TNFRSF10B: variants seen among roughly 807,000 people sequenced by gnomAD.
The protein encoded by TNFRSF10B is tumor necrosis factor receptor superfamily member 10B.
A neutral mutation model predicts 41.4 loss-of-function variants in TNFRSF10B; 35 were observed. That is an observed-to-expected ratio of 0.85 (90% confidence interval 0.65 to 1.12). The LOEUF is 1.12. Ranked by LOEUF, TNFRSF10B falls within the 50% of genes most tolerant of loss-of-function variation. TNFRSF10B has a pLI of 0.00. For missense variants in TNFRSF10B, 584 were observed against 552.7 expected (o/e 1.06, Z -0.57); for synonymous variants, 230 against 215.5 (o/e 1.07, Z -0.59).
intron 2 of TNFRSF10B, among the ~76,000 whole-genome samples, chr8:23,039,540 A>C (rs535749704): frequency 6.6e-6 from 1 of 152,146 alleles, no homozygotes; most frequent in African/African-American, 2.4e-5. Context: ...GCTTGACTCA[A>C]AGCCCACTGA....
rs1811492079 is a variant in TNFRSF10B at position 23,020,734 on chromosome 8, GCTGACACT to G, written c.*1929_*1936del. The stretch of plus-strand genomic sequence containing the variant: ...AAGAAAAATCTTAAACACTGATAAG[GCTGACACT>G]CTAGATGCATCTTCTAGGAAGGCCT... On this transcript the variant is annotated 3_prime_UTR_variant, in exon 9 of 9. Coordinates refer to ENST00000276431, the MANE Select transcript of TNFRSF10B (RefSeq NM_003842.5). 2.2e-6 allele frequency: 1 copy of G among 454,002 alleles called. No individual in the cohort carries two copies. Among genetic ancestry groups the G allele is most frequent in the Non-Finnish European group, 4.4e-6 (1 of 226,768 alleles). 28.1% of individuals were successfully genotyped at this position (454,002 alleles called of 1,614,324 possible). A position where few individuals can be genotyped will look rare whatever the true frequency, so the allele number is the denominator to read the frequency against.
chr8:23,067,198 G>A (rs943703764), intron 1 of TNFRSF10B, among the ~76,000 whole-genome samples: 16 of 151,872 alleles, frequency 1.1e-4, no homozygotes, highest in Admixed American at 9.8e-4. Context: ...GGCTGGTCTC[G>A]AATCCCTGAC....
At chr8:23,035,897 A>T (rs551300235) in intron 2 of TNFRSF10B, among the ~76,000 whole-genome samples, 4 of 152,310 alleles carry the variant, frequency 2.6e-5, no homozygotes, top group African/African-American at 7.2e-5. Flanking sequence ...AGAACAAGAA[A>T]AGGCTCTGCA....
At chr8:23,027,560 A>T in intron 6 of TNFRSF10B, 162 bp downstream of exon 6, 1 of 967,722 alleles carries the variant, frequency 1.0e-6, no homozygotes, top group Non-Finnish European at 1.6e-6. Context: ...TGTGGTGCTC[A>T]AAATGGCCAT....
rs1563301794 is a variant in TNFRSF10B, at chr8:23,020,837, A to C, written c.*1834T>G. On this transcript the variant is annotated 3_prime_UTR_variant, in exon 9 of 9. Transcript: ENST00000276431. Reference sequence around the variant, plus strand: ...AGCCCTGAGGCTGAGCGTCCTGCACAGAAGGCCCAGCAAAGGCAAAGACCA... The same window carrying C: ...AGCCCTGAGGCTGAGCGTCCTGCACCGAAGGCCCAGCAAAGGCAAAGACCA... 2.2e-6 allele frequency: 1 copy of C among 454,142 alleles called. No homozygotes were observed. Among genetic ancestry groups the C allele is most frequent in the East Asian group, 6.9e-5 (1 of 14,402 alleles). The allele number at this position is 454,142 out of a possible 1,614,324, so 28.1% of individuals were successfully genotyped here.
At chr8:23,033,351 G>A (rs1444525163) in intron 2 of TNFRSF10B, among the ~76,000 whole-genome samples, 4 of 152,060 alleles carry the variant, frequency 2.6e-5, no homozygotes, top group Non-Finnish European at 4.4e-5. Flanking sequence ...CTGGGAGGCC[G>A]AGGCGGGCGG....
At chr8:23,028,668 G>T in intron 4 of TNFRSF10B, 66 bp from the exon 5 acceptor site, 1 of 1,592,248 alleles carries the variant, frequency 6.3e-7, no homozygotes, top group South Asian at 1.1e-5. Flanking sequence ...GGATGAAAGA[G>T]GAGCCACCCT....
At chr8:23,060,881 G>T (rs1812812372) in intron 1 of TNFRSF10B, among the ~76,000 whole-genome samples, 1 of 151,778 alleles carries the variant, frequency 6.6e-6, no homozygotes, top group Admixed American at 6.6e-5. Flanking sequence ...TATTATTTTT[G>T]ATACTATTGT....
chr8:23,058,739 C>A (rs750826072), intron 1 of TNFRSF10B, among the ~76,000 whole-genome samples: 3 of 152,072 alleles, frequency 2.0e-5, no homozygotes, highest in Non-Finnish European at 2.9e-5. Context: ...CTCGCTTCAC[C>A]CTCCCAAAGT....
chr8:23,044,069 TG>T (rs1812284713), intron 1 of TNFRSF10B, among the ~76,000 whole-genome samples: 1 of 152,234 alleles, frequency 6.6e-6, no homozygotes, highest in Admixed American at 6.5e-5. Flanking sequence ...ACCATTTAAT[TG>T]AGAGGACAAT....
In TNFRSF10B at chr8:23,022,560, G is replaced by A. The variant is rs1811565162; in HGVS notation, c.*111C>T. On this transcript the variant is annotated 3_prime_UTR_variant, in exon 9 of 9. Transcript: ENST00000276431. Reference sequence around the variant, plus strand: ...ATGTTGGATGGGAGAGTTTCTTCCAGTACCGGTCATGTGACAATTGTGGCA... The same window carrying A: ...ATGTTGGATGGGAGAGTTTCTTCCAATACCGGTCATGTGACAATTGTGGCA... 1 of 1,174,130 alleles carries A rather than the reference G, an allele frequency of 8.5e-7. No individual in the cohort carries two copies. The highest frequency in any genetic ancestry group is 1.9e-5 in the Admixed American group (1 of 51,792). The allele number at this position is 1,174,130 out of a possible 1,614,324, so 72.7% of individuals were successfully genotyped here.
chr8:23,052,475 A>T (rs1563320764), intron 1 of TNFRSF10B, among the ~76,000 whole-genome samples: 1 of 151,530 alleles, frequency 6.6e-6, no homozygotes. Flanking sequence ...TTTAGTAGAG[A>T]CGGGGTTTCA....
chr8:23,035,631 A>G (rs1188358999), intron 2 of TNFRSF10B, among the ~76,000 whole-genome samples: 1 of 152,222 alleles, frequency 6.6e-6, no homozygotes, highest in Non-Finnish European at 1.5e-5. Flanking sequence ...TTACCTCAGT[A>G]GAAGGACAAC....
chr8:23,026,218 G>A (rs1202675230), intron 7 of TNFRSF10B, among the ~76,000 whole-genome samples: 1 of 152,166 alleles, frequency 6.6e-6, no homozygotes, highest in Non-Finnish European at 1.5e-5. Flanking sequence ...CTAGGTGGAA[G>A]AGATCTCTGC....
chr8:23,042,445 A>T (rs2128815645), intron 2 of TNFRSF10B, among the ~76,000 whole-genome samples: 1 of 152,312 alleles, frequency 6.6e-6, no homozygotes, highest in Admixed American at 6.5e-5. Context: ...CGAACACAAC[A>T]GTCAAGCACA....
chr8:23,056,216 C>CACAT (rs112194996), intron 1 of TNFRSF10B, among the ~76,000 whole-genome samples: 3 of 151,856 alleles, frequency 2.0e-5, no homozygotes, highest in Admixed American at 6.6e-5. Context: ...CACTGAAGCA[C>CACAT]ATACTGTCCT....
Position 23,028,313 on chromosome 8 carries a change from C to G in TNFRSF10B, c.748+18G>C, listed in dbSNP as rs1160469878. The G allele has an allele frequency of 2.5e-6, 4 of 1,613,790 alleles. No individual in the cohort carries two copies. Among genetic ancestry groups the G allele is most frequent in the Admixed American group, 1.7e-5 (1 of 60,024 alleles). On this transcript the variant is annotated intron_variant, in intron 5 of 8. Transcript: ENST00000276431. Reference sequence around the variant, plus strand: ...GGGCAGAGAGTGCCCTGTGCCCCCGCCCTCAGCCAGCACCTACCTGAGCAG... The same window carrying G: ...GGGCAGAGAGTGCCCTGTGCCCCCGGCCTCAGCCAGCACCTACCTGAGCAG...
intron 1 of TNFRSF10B, among the ~76,000 whole-genome samples, chr8:23,058,778 C>A (rs1442754566): frequency 6.6e-6 from 1 of 152,098 alleles, no homozygotes; most frequent in Non-Finnish European, 1.5e-5. Flanking sequence ...AGCCGCCGTG[C>A]CCAGCTTGTG....
intron 7 of TNFRSF10B, among the ~76,000 whole-genome samples, chr8:23,026,708 G>A (rs1404885729): frequency 6.6e-6 from 1 of 152,078 alleles, no homozygotes; most frequent in Non-Finnish European, 1.5e-5. Context: ...GCATCGACTT[G>A]GAATCCTACT....
Sources: allele counts gnomAD v4.1 joint callset (sites outside exome capture counted in the v4.1 genomes callset), GRCh38; gene constraint gnomAD v4.1.1; transcripts MANE v1.5; gene names NCBI Gene and HGNC (gene_info 2026-07-23, HGNC 2026-07-21).